The following AGAP1 variants were observed in gnomAD, a reference collection of about 807,000 sequenced individuals.
The protein encoded by AGAP1 is arf-GAP with GTPase, ANK repeat and PH domain-containing protein 1.
In AGAP1, 29 loss-of-function variants were observed where a neutral mutation model predicts 105.3. The observed-to-expected ratio is 0.28, with a 90% CI of 0.21 to 0.38. AGAP1 has a LOEUF of 0.38. Among genes scored for constraint, AGAP1 ranks in the 10% least tolerant of loss-of-function variants. AGAP1 has a pLI of 1.00. For synonymous variants in AGAP1, 509 were observed against 485.9 expected (o/e 1.05, Z -0.63); for missense variants, 998 against 1,165.1 (o/e 0.86, Z 2.09).
intron 16 of AGAP1, among the ~76,000 whole-genome samples, chr2:236,112,773 T>C (rs545716743): frequency 1.8e-4 from 27 of 152,356 alleles, no homozygotes; most frequent in African/African-American, 5.0e-4. Flanking sequence ...TGAAGGCAGC[T>C]CAGCATCCAT....
At chr2:235,790,857 C>T (rs188912796) in intron 6 of AGAP1, among the ~76,000 whole-genome samples, 1 of 152,306 alleles carries the variant, frequency 6.6e-6, no homozygotes, top group African/African-American at 2.4e-5. Flanking sequence ...GGCCCATTGT[C>T]TTGGAACATG....
intron 9 of AGAP1, among the ~76,000 whole-genome samples, chr2:235,876,067 A>G (rs1351530833): frequency 1.3e-5 from 2 of 152,178 alleles, no homozygotes; most frequent in African/African-American, 4.8e-5. Context: ...TTCCAGGGTA[A>G]GGGGCTCACC....
chr2:235,874,000 G>T (rs904663472), intron 9 of AGAP1, among the ~76,000 whole-genome samples: 1 of 152,128 alleles, frequency 6.6e-6, no homozygotes, highest in Non-Finnish European at 1.5e-5. Flanking sequence ...AAGTGCTGGG[G>T]TCACAGGCGT....
At chr2:236,115,885 A>C (rs879747013) in intron 16 of AGAP1, among the ~76,000 whole-genome samples, 7 of 142,388 alleles carry the variant, frequency 4.9e-5, no homozygotes, top group Non-Finnish European at 9.3e-5. Context: ...GCTCACTGCA[A>C]CCTCTGCCTG....
At chr2:235,568,522 C>T (rs187323315) in intron 1 of AGAP1, among the ~76,000 whole-genome samples, 85 of 152,232 alleles carry the variant, frequency 5.6e-4, no homozygotes, top group Admixed American at 1.8e-3. Flanking sequence ...TGGACATGGA[C>T]TCGTGGCAGA....
At chr2:235,572,005 T>TACACACACAC (rs1559257500) in intron 1 of AGAP1, among the ~76,000 whole-genome samples, 135 of 75,226 alleles carry the variant, frequency 1.8e-3, no homozygotes, top group African/African-American at 3.6e-3. Flanking sequence ...CACACACACT[T>TACACACACAC]TTTTTTTTTT....
At chr2:235,749,539 C>T (rs889611016) in intron 5 of AGAP1, among the ~76,000 whole-genome samples, 2 of 152,058 alleles carry the variant, frequency 1.3e-5, no homozygotes, top group Admixed American at 6.5e-5. Flanking sequence ...ACTCGCTGCT[C>T]CCCTCTCCAC....
At chr2:235,668,469 C>A (rs1948204145) in intron 1 of AGAP1, among the ~76,000 whole-genome samples, 1 of 152,232 alleles carries the variant, frequency 6.6e-6, no homozygotes, top group Non-Finnish European at 1.5e-5. Context: ...GCCGCCAGCA[C>A]CTTGCCCAGA....
chr2:236,010,583 C>CGT (rs1198078517), intron 13 of AGAP1, among the ~76,000 whole-genome samples: 2 of 152,166 alleles, frequency 1.3e-5, no homozygotes, highest in Non-Finnish European at 2.9e-5. Flanking sequence ...GCAGAAAGTC[C>CGT]ATACATAGCC....
intron 9 of AGAP1, among the ~76,000 whole-genome samples, chr2:235,836,757 T>G (rs1397101768): frequency 2.0e-5 from 3 of 152,180 alleles, no homozygotes; most frequent in African/African-American, 7.2e-5. Context: ...GAGACAGCCC[T>G]GAAGAATCAA....
At chr2:235,497,796 T>C (rs1574685109) in intron 1 of AGAP1, among the ~76,000 whole-genome samples, 1 of 152,100 alleles carries the variant, frequency 6.6e-6, no homozygotes, top group South Asian at 2.1e-4. Context: ...CGGGGTTTCA[T>C]TGTGTTAGCC....
At chr2:235,696,647 A>G (rs1018185821) in intron 1 of AGAP1, among the ~76,000 whole-genome samples, 3 of 152,300 alleles carry the variant, frequency 2.0e-5, no homozygotes, top group South Asian at 4.2e-4. Flanking sequence ...TGTTTTAATC[A>G]TGTAACACAA....
intron 1 of AGAP1, chr2:235,670,607 G>C (rs1948347653): frequency 5.2e-6 from 3 of 575,166 alleles, no homozygotes; most frequent in Non-Finnish European, 3.0e-6. Context: ...CCGGACACTG[G>C]GCGGCGGAAG....
At chr2:235,669,725 C>A (rs1948269931) in intron 1 of AGAP1, 3 of 148,328 alleles carry the variant, frequency 2.0e-5, no homozygotes, top group African/African-American at 4.9e-5. Flanking sequence ...AACCGCCGAG[C>A]TGTGCAGCCG....
Position 235,813,382 on chromosome 2 carries a change from G to A in AGAP1, c.1050+6051G>A, listed in dbSNP as rs557950547. The stretch of plus-strand genomic sequence containing the variant: ...GTGTAGCCCTAGGTGCATCATACAC[G>A]ACCAACTGCCATGCTAACAGAATGG... On this transcript the variant is annotated intron_variant, in intron 9 of 17. Transcript: ENST00000304032. 1.6e-3 allele frequency among the ~76,000 whole-genome samples: 249 copies of A among 152,346 alleles called. 2 individuals carry two copies. The highest frequency in any genetic ancestry group is 5.6e-3 in the African/African-American group (232 of 41,578).
At chr2:235,602,170 A>G (rs62189182) in intron 1 of AGAP1, among the ~76,000 whole-genome samples, 72 of 152,210 alleles carry the variant, frequency 4.7e-4, no homozygotes, top group Non-Finnish European at 8.7e-4. Flanking sequence ...GAAAAAATCA[A>G]AAGCATAACT....
intron 16 of AGAP1, among the ~76,000 whole-genome samples, chr2:236,071,631 T>A (rs890871039): frequency 6.6e-6 from 1 of 152,220 alleles, no homozygotes; most frequent in African/African-American, 2.4e-5. Context: ...ACCTGCCTGA[T>A]CTGCGGTGGA....
At position 235,953,644 on chromosome 2, in the gene AGAP1, C is replaced by CATCT. The variant is rs1229326553; in HGVS notation, c.1484-14817_1484-14814dup. Among the ~76,000 whole-genome samples, 4 of 152,184 alleles carry CATCT rather than the reference C, an allele frequency of 2.6e-5. No homozygotes were observed. The highest frequency in any genetic ancestry group is 5.9e-5 in the Non-Finnish European group (4 of 68,040). ...TGCATGGTGCTTGCTGGCCACTGAGCATCTGTAAAGAAAATTTTTTCCACG... is the reference window on the plus strand; with the variant it reads ...TGCATGGTGCTTGCTGGCCACTGAGCATCTATCTGTAAAGAAAATTTTTTCCACG... On this transcript the variant is annotated intron_variant, in intron 12 of 17. Transcript: ENST00000304032. This position sits in a 1 kb window ranked among gnomAD's most constrained non-coding sequence, Gnocchi z 5.2.
At position 235,660,082 on chromosome 2, in the gene AGAP1, C is replaced by T. The variant is rs550259021; in HGVS notation, c.164-49097C>T. 2.6e-5 allele frequency among the ~76,000 whole-genome samples: 4 copies of T among 152,336 alleles called. No homozygotes were observed. In the South Asian group the frequency reaches 8.3e-4, roughly 32 times the overall value. Reference sequence around the variant, plus strand: ...AGGCAGTCACACTCTGGGATGCCCCCACCCCTCAGCACACACAGTGACTGT... The same window carrying T: ...AGGCAGTCACACTCTGGGATGCCCCTACCCCTCAGCACACACAGTGACTGT... On this transcript the variant is annotated intron_variant, in intron 1 of 17. Coordinates refer to ENST00000304032, the MANE Select transcript of AGAP1 (RefSeq NM_001037131.3). This position sits in a 1 kb window ranked among gnomAD's most constrained non-coding sequence, Gnocchi z 5.3.
Sources: allele counts gnomAD v4.1 joint callset (sites outside exome capture counted in the v4.1 genomes callset), GRCh38; gene constraint gnomAD v4.1.1; non-coding constraint Gnocchi (gnomAD v3.1); transcripts MANE v1.5; gene names NCBI Gene and HGNC (gene_info 2026-07-23, HGNC 2026-07-21).